Variants in TTC17 observed in about 807,000 individuals in gnomAD.
The protein encoded by TTC17 is tetratricopeptide repeat protein 17.
TTC17 carries 58 observed loss-of-function variants against 143.8 expected under a neutral mutation model. The ratio of observed to expected loss-of-function variants is 0.40; its 90% CI spans 0.33 to 0.50. The LOEUF (loss-of-function observed/expected upper bound fraction) is 0.50. Among genes scored for constraint, TTC17 ranks in the 20% least tolerant of loss-of-function variants. The probability of loss-of-function intolerance (pLI) is 0.49; values close to 1 mark genes in which losing one functional copy is unlikely to be tolerated. For missense variants in TTC17, 1,273 were observed against 1,392.5 expected (o/e 0.91, Z 1.37); for synonymous variants, 501 against 497.8 (o/e 1.01, Z -0.09).
intron 9 of TTC17, 82 bp downstream of exon 9, chr11:43,400,130 C>G: frequency 1.4e-6 from 2 of 1,455,538 alleles, no homozygotes; most frequent in South Asian, 1.4e-5. Flanking sequence ...TTCTTGTAGC[C>G]TTAAAGCAGT....
intron 1 of TTC17, among the ~76,000 whole-genome samples, chr11:43,377,323 G>A (rs1437033812): frequency 6.6e-6 from 1 of 152,002 alleles, no homozygotes; most frequent in Non-Finnish European, 1.5e-5. Context: ...TAATCTCATG[G>A]GAGCACCATC....
At chr11:43,410,641 C>G (rs1301242396) in intron 15 of TTC17, among the ~76,000 whole-genome samples, 1 of 152,144 alleles carries the variant, frequency 6.6e-6, no homozygotes, top group African/African-American at 2.4e-5. Flanking sequence ...TCACCTTTGC[C>G]CTGAACTCCA....
chr11:43,487,955 A>G (rs1948408769), intron 21 of TTC17, among the ~76,000 whole-genome samples: 1 of 152,194 alleles, frequency 6.6e-6, no homozygotes, highest in African/African-American at 2.4e-5. Context: ...GCCCCACTCT[A>G]ATAGCCTTAT....
At chr11:43,470,800 T>C (rs1178961503) in intron 21 of TTC17, among the ~76,000 whole-genome samples, 1 of 152,092 alleles carries the variant, frequency 6.6e-6, no homozygotes, top group Non-Finnish European at 1.5e-5. Flanking sequence ...AATTTACATA[T>C]CTAATAAGTT....
At chr11:43,456,840 A>G (rs913036876) in intron 21 of TTC17, among the ~76,000 whole-genome samples, 2 of 152,144 alleles carry the variant, frequency 1.3e-5, no homozygotes, top group African/African-American at 4.8e-5. Context: ...TTTTTTTCCA[A>G]GGAGCATTTC....
intron 8 of TTC17, among the ~76,000 whole-genome samples, chr11:43,399,353 A>G (rs575711558): frequency 3.3e-5 from 5 of 152,206 alleles, no homozygotes; most frequent in Admixed American, 2.0e-4. Flanking sequence ...GAAAAATGCA[A>G]TATACCATTT....
intron 10 of TTC17, among the ~76,000 whole-genome samples, chr11:43,403,133 A>T (rs750738634): frequency 6.6e-6 from 1 of 152,170 alleles, no homozygotes; most frequent in Non-Finnish European, 1.5e-5. Flanking sequence ...CTTAAAACCA[A>T]GCATTTTAAA....
chr11:43,362,147 ATT>A (rs1491405362), intron 1 of TTC17, among the ~76,000 whole-genome samples: 3 of 106,658 alleles, frequency 2.8e-5, no homozygotes, highest in East Asian at 5.7e-4. Context: ...CACCCGGCTA[ATT>A]TGTGTGTGTG....
chr11:43,451,100 A>C, intron 20 of TTC17, 82 bp from the exon 21 acceptor site: 1 of 1,357,258 alleles, frequency 7.4e-7, no homozygotes, highest in Non-Finnish European at 1.0e-6. Flanking sequence ...TCTGTGGTAC[A>C]GTGCCCAACT....
chr11:43,389,593 A>G lies in TTC17; in HGVS notation c.250-59A>G, dbSNP rs903535270. On this transcript the variant is annotated intron_variant, in intron 2 of 23. Coordinates refer to ENST00000039989, the MANE Select transcript of TTC17 (RefSeq NM_018259.6). ...CAGCTCAGATTCCCCTTTCTCTTCA[A>G]TGGTAGTTAGACTAAAATATTAGAA... 22 of 1,492,346 alleles carry G rather than the reference A, an allele frequency of 1.5e-5. No individual in the cohort carries two copies. In the Middle Eastern group the frequency reaches 9.0e-4, roughly 61 times the overall value. 92.4% of individuals were successfully genotyped at this position (1,492,346 alleles called of 1,614,324 possible).
intron 1 of TTC17, among the ~76,000 whole-genome samples, chr11:43,368,961 CCTTG>C (rs1308917802): frequency 6.6e-6 from 1 of 152,202 alleles, no homozygotes; most frequent in African/African-American, 2.4e-5. Flanking sequence ...GGACCTTTGT[CCTTG>C]CTTCTTCCTC....
Position 43,412,087 on chromosome 11 carries a change from A to G in TTC17, c.2065-2503A>G, listed in dbSNP as rs563082160. On this transcript the variant is annotated intron_variant, in intron 15 of 23. Transcript: ENST00000039989. ...TATAAAAACACTATAGATGTATTTC[A>G]GTTAAAATGACCTAAACTGAATACT... Among the ~76,000 whole-genome samples, 13 of 152,350 alleles carry G rather than the reference A, an allele frequency of 8.5e-5. No individual in the cohort carries two copies. The East Asian group carries it at 2.3e-3, about 27-fold the overall frequency.
At chr11:43,397,946 G>GTA (rs1857683116) in intron 7 of TTC17, 28 bp from the exon 8 acceptor site, 5 of 1,425,924 alleles carry the variant, frequency 3.5e-6, no homozygotes, top group Non-Finnish European at 4.8e-6. Context: ...GTGTGTGTGT[G>GTA]TGTGTATGTT....
intron 8 of TTC17, 73 bp from the exon 9 acceptor site, chr11:43,399,815 C>T (rs1857771276): frequency 1.4e-6 from 2 of 1,454,222 alleles, no homozygotes; most frequent in Non-Finnish European, 1.8e-6. Context: ...CCAGAAAAAT[C>T]TGTGCATTTA....
chr11:43,489,504 G>A (rs781738463), intron 21 of TTC17, among the ~76,000 whole-genome samples: 9 of 152,094 alleles, frequency 5.9e-5, no homozygotes, highest in Non-Finnish European at 8.8e-5. Flanking sequence ...TTGGGAGGCC[G>A]AAGTGTGCAG....
chr11:43,469,826 C>G (rs1590476606), intron 21 of TTC17, among the ~76,000 whole-genome samples: 1 of 152,078 alleles, frequency 6.6e-6, no homozygotes, highest in East Asian at 1.9e-4. Context: ...TTATACCTCA[C>G]TTTTTAAAAA....
chr11:43,405,573 C>T lies in TTC17; in HGVS notation c.1539C>T (p.Val513=). Residue 513 remains valine, a synonymous_variant, in exon 12 of 24, where the codon GTC becomes GTT. Coordinates refer to ENST00000039989, the MANE Select transcript of TTC17 (RefSeq NM_018259.6). ...RADCTESYPR[V]PVGGELPTYF... Reference sequence around the variant, plus strand: ...ATTGTACAGAAAGCTACCCTAGAGTCCCTGTTGGTGGGGAATTGCCAACGT... The same window carrying T: ...ATTGTACAGAAAGCTACCCTAGAGTTCCTGTTGGTGGGGAATTGCCAACGT... 8 of 1,613,956 alleles carry T rather than the reference C, an allele frequency of 5.0e-6. No individual in the cohort carries two copies. Among genetic ancestry groups the T allele is most frequent in the South Asian group, 1.1e-5 (1 of 91,068 alleles).
rs1382414682 is a variant in TTC17, at chr11:43,396,830, C to T, written c.773+12C>T. 6.5e-7 allele frequency: 1 copy of T among 1,546,614 alleles called. No homozygotes were observed. The highest frequency in any genetic ancestry group is 1.1e-5 in the South Asian group (1 of 88,288). The stretch of plus-strand genomic sequence containing the variant: ...CACTTCTCTTCCAGGTAAGATTCCT[C>T]CTCTTCTGGACCTGATTTTCCACAT... On this transcript the variant is annotated intron_variant, in intron 6 of 23. Coordinates refer to ENST00000039989, the MANE Select transcript of TTC17 (RefSeq NM_018259.6).
intron 16 of TTC17, among the ~76,000 whole-genome samples, chr11:43,441,333 G>A (rs1262014283): frequency 2.7e-5 from 4 of 149,872 alleles, no homozygotes; most frequent in African/African-American, 9.8e-5. Flanking sequence ...ACTCTTATCT[G>A]TTTAAATCCT....
Sources: gnomAD v4.1 joint callset for allele counts (sites outside exome capture counted in the v4.1 genomes callset) on GRCh38, gnomAD v4.1.1 for gene constraint, MANE v1.5 for transcripts, NCBI Gene and HGNC (gene_info 2026-07-23, HGNC 2026-07-21) for gene names.